The following LRRC37A2 variants were observed in gnomAD, a reference collection of about 807,000 sequenced individuals.
The protein encoded by LRRC37A2 is leucine rich repeat containing 37 member A2, also known as leucine-rich repeat-containing protein 37A2.
LRRC37A2 carries 9 observed loss-of-function variants against 68.8 expected under a neutral mutation model. The ratio of observed to expected loss-of-function variants is 0.13; its 90% CI spans 0.08 to 0.23. LRRC37A2 has a LOEUF of 0.23. Among genes scored for constraint, LRRC37A2 ranks in the 10% least tolerant of loss-of-function variants. The pLI is 1.00. For synonymous variants in LRRC37A2, 63 were observed against 367.6 expected (o/e 0.17, Z 9.48); for missense variants, 168 against 950.4 (o/e 0.18, Z 10.82).
the LRRC37A2 span, chr17:46,728,712 A>T: frequency 3.7e-5 from 16 of 431,950 alleles, no homozygotes; most frequent in South Asian, 1.2e-4. Flanking sequence ...TACTCTTTAA[A>T]TTTTTTTTTT....
chr17:46,728,793 T>C, the LRRC37A2 span: 9 of 1,116,652 alleles, frequency 8.1e-6, no homozygotes, highest in Non-Finnish European at 1.1e-5. Context: ...AAACAAAAAC[T>C]GAATGTTTGG....
the LRRC37A2 span, chr17:47,019,732 A>G: frequency 1.4e-5 from 10 of 713,560 alleles, no homozygotes; most frequent in Non-Finnish European, 2.1e-5. Flanking sequence ...ATTGATCTCA[A>G]CCCAGAGCAG....
chr17:46,789,757 A>C, the LRRC37A2 span, among the ~76,000 whole-genome samples: 2 of 152,188 alleles, frequency 1.3e-5, no homozygotes, highest in African/African-American at 2.4e-5. Flanking sequence ...CCAGGGCTCC[A>C]GCTTGGACCT....
At chr17:46,936,520 C>G in the LRRC37A2 span, 1 of 985,608 alleles carries the variant, frequency 1.0e-6, no homozygotes, top group Non-Finnish European at 1.2e-6. Context: ...CTCCACCTGC[C>G]TCACACCCTG....
At chr17:46,841,895 G>A in the LRRC37A2 span, among the ~76,000 whole-genome samples, 1 of 151,798 alleles carries the variant, frequency 6.6e-6, no homozygotes, top group African/African-American at 2.4e-5. Context: ...CCTCTGCGGT[G>A]TGTGGGGGGG....
At chr17:46,938,697 T>C in the LRRC37A2 span, 24 of 1,613,816 alleles carry the variant, frequency 1.5e-5, no homozygotes, top group Non-Finnish European at 1.9e-5. Flanking sequence ...ACAAGTACTT[T>C]ATGATAGGTG....
At chr17:46,980,403 C>T in the LRRC37A2 span, among the ~76,000 whole-genome samples, 1 of 149,852 alleles carries the variant, frequency 6.7e-6, no homozygotes, top group Admixed American at 6.7e-5. Flanking sequence ...CTTCTTTCTT[C>T]TTTCTTTCTT....
chr17:47,001,884 G>A, the LRRC37A2 span, among the ~76,000 whole-genome samples: 1 of 151,930 alleles, frequency 6.6e-6, no homozygotes, highest in Non-Finnish European at 1.5e-5. Flanking sequence ...ACCACGCCCA[G>A]CTAATTTGTG....
chr17:46,751,296 G>T, the LRRC37A2 span, among the ~76,000 whole-genome samples: 3 of 152,144 alleles, frequency 2.0e-5, no homozygotes, highest in Admixed American at 6.5e-5. Context: ...AGAAAACAGG[G>T]TTTAAGATAC....
At chr17:47,010,616 C>T in the LRRC37A2 span, 2 of 152,282 alleles carry the variant, frequency 1.3e-5, no homozygotes, top group Non-Finnish European at 2.9e-5. Flanking sequence ...AGCACTCCCA[C>T]CTTCTTTAGA....
At chr17:46,722,179 G>C in the LRRC37A2 span, 108 of 1,609,282 alleles carry the variant, frequency 6.7e-5, no homozygotes, top group Non-Finnish European at 8.2e-5. Flanking sequence ...GCTTTCTCCT[G>C]GGAGAACTTG....
chr17:46,876,145 A>T, the LRRC37A2 span: 3 of 1,178,498 alleles, frequency 2.5e-6, no homozygotes, highest in African/African-American at 3.1e-5. Context: ...TCTCTTTCCC[A>T]TTCTCCTGCC....
At chr17:46,906,955 T>A in the LRRC37A2 span, among the ~76,000 whole-genome samples, 1 of 152,214 alleles carries the variant, frequency 6.6e-6, no homozygotes, top group Non-Finnish European at 1.5e-5. Context: ...TGATTTCATT[T>A]AGTCGTCACA....
At chr17:46,722,316 C>T in the LRRC37A2 span, 23 of 715,602 alleles carry the variant, frequency 3.2e-5, no homozygotes, top group South Asian at 3.6e-4. Context: ...CCTCAGTCCT[C>T]CTGGCATCTT....
At chr17:46,768,188 T>A in the LRRC37A2 span, 1 of 1,405,770 alleles carries the variant, frequency 7.1e-7, no homozygotes, top group Admixed American at 2.0e-5. The surrounding 1 kb of genome is among the most constrained non-coding windows in gnomAD (Gnocchi z 5.0). Flanking sequence ...ATTTTGGCTG[T>A]GGGAACTTGT....
the LRRC37A2 span, among the ~76,000 whole-genome samples, chr17:46,894,291 A>G: frequency 6.6e-6 from 1 of 152,208 alleles, no homozygotes; most frequent in Non-Finnish European, 1.5e-5. Context: ...CACAGCGGGC[A>G]ATGTGATTGA....
chr17:46,795,150 G>A, the LRRC37A2 span, among the ~76,000 whole-genome samples: 23 of 152,094 alleles, frequency 1.5e-4, 1 homozygote, highest in South Asian at 3.7e-3. Context: ...TCCCACCCTC[G>A]GGTGCTGAGG....
the LRRC37A2 span, among the ~76,000 whole-genome samples, chr17:46,999,507 C>T: frequency 1.3e-5 from 2 of 152,138 alleles, no homozygotes; most frequent in East Asian, 3.9e-4. Flanking sequence ...CGCCACCATG[C>T]CTGGCTAATT....
chr17:47,033,683 A>G, the LRRC37A2 span, among the ~76,000 whole-genome samples: 2 of 152,230 alleles, frequency 1.3e-5, no homozygotes, highest in African/African-American at 4.8e-5. Context: ...GAAAGGAAAC[A>G]TAGCCCATCT....
Sources: gnomAD v4.1 joint callset for allele counts (sites outside exome capture counted in the v4.1 genomes callset) on GRCh38, gnomAD v4.1.1 for gene constraint, Gnocchi (gnomAD v3.1) non-coding constraint, MANE v1.5 for transcripts, NCBI Gene and HGNC (gene_info 2026-07-23, HGNC 2026-07-21) for gene names.